Variants in DCLRE1C observed in about 807,000 individuals in gnomAD.
DCLRE1C encodes the protein protein artemis.
Under a neutral mutation model 61.4 loss-of-function variants are expected in DCLRE1C, and 47 were observed. The ratio of observed to expected loss-of-function variants is 0.77; its 90% CI spans 0.61 to 0.98. The LOEUF is 0.98. Among genes scored for constraint, DCLRE1C ranks in the 50% least tolerant of loss-of-function variants. The pLI, the probability that DCLRE1C is intolerant of heterozygous loss-of-function variation, is 0.00. For synonymous variants in DCLRE1C, 337 were observed against 287.6 expected, an observed-to-expected ratio of 1.17 and a Z score of -1.74; for missense variants, 858 against 816.0, an observed-to-expected ratio of 1.05 and a Z score of -0.63.
At chr10:14,937,826 A>G (rs1348477115) in intron 4 of DCLRE1C, among the ~76,000 whole-genome samples, 4 of 145,470 alleles carry the variant, frequency 2.7e-5, no homozygotes, top group Admixed American at 6.9e-5. Context: ...ACCAGGAGGT[A>G]GAGGTTGCAG....
downstream of DCLRE1C, among the ~76,000 whole-genome samples, chr10:14,900,609 C>CT (rs1286481320): frequency 2.0e-5 from 3 of 152,146 alleles, no homozygotes; most frequent in Admixed American, 6.5e-5. Context: ...CTCACTACAT[C>CT]TTTTTTCTTG....
chr10:14,946,549 T>C (rs1423875013), intron 2 of DCLRE1C, among the ~76,000 whole-genome samples: 1 of 152,158 alleles, frequency 6.6e-6, no homozygotes, highest in Non-Finnish European at 1.5e-5. Flanking sequence ...GCATGGCTTT[T>C]GAGGTTAGAT....
chr10:14,899,385 ATCTGAG>A (rs1833836530), intron 13 of DCLRE1C: 1 of 798,502 alleles, frequency 1.3e-6, no homozygotes, highest in Non-Finnish European at 2.0e-6. Flanking sequence ...ACCTCTTTGC[ATCTGAG>A]TCTTAGTTTG....
intron 9 of DCLRE1C, 79 bp from the exon 10 acceptor site, chr10:14,928,231 G>T: frequency 1.5e-6 from 2 of 1,332,988 alleles, no homozygotes; most frequent in Non-Finnish European, 2.1e-6. Context: ...AAAAACAAAA[G>T]TAGAAAAGTT....
At chr10:14,899,241 T>C (rs1281859074) in exon 14 of DCLRE1C, 2 of 701,954 alleles carry the variant, frequency 2.8e-6, no homozygotes, top group Non-Finnish European at 5.2e-6. Context: ...GATCGCTTGA[T>C]CCCAGGAGTT....
At chr10:14,913,005 G>A (rs985409251) in intron 13 of DCLRE1C, among the ~76,000 whole-genome samples, 2 of 148,144 alleles carry the variant, frequency 1.4e-5, no homozygotes, top group African/African-American at 5.0e-5. Context: ...ACAGGCGCCC[G>A]CCACCACACC....
intron 3 of DCLRE1C, among the ~76,000 whole-genome samples, chr10:14,941,362 A>G (rs1236513155): frequency 2.6e-5 from 4 of 152,112 alleles, no homozygotes; most frequent in African/African-American, 4.8e-5. Flanking sequence ...ACGGCTCACT[A>G]TAACCTCAAA....
At position 14,943,011 on chromosome 10, in the gene DCLRE1C, A is replaced by C. The variant is rs537809270; in HGVS notation, c.246+2094T>G. 1.0e-3 allele frequency among the ~76,000 whole-genome samples: 159 copies of C among 152,330 alleles called. 1 individual carries two copies. Among genetic ancestry groups the C allele is most frequent in the African/African-American group, 3.5e-3 (147 of 41,584 alleles). On this transcript the variant is annotated intron_variant, in intron 3 of 13. Coordinates refer to ENST00000378278, the MANE Select transcript of DCLRE1C (RefSeq NM_001033855.3). ...TGTGGTGGTTCAGGCCTGTAATCCC[A>C]GCCACTAGGGAGGCGGAGGCAGGGA...
chr10:14,908,602 G>A lies in DCLRE1C; in HGVS notation c.1885C>T (p.His629Tyr), dbSNP rs768407082. Reference sequence around the variant, plus strand: ...AGCAAACTTTTTTCCTCGGGTATATGTGTCTCACTGCTTAGAGTAGTTGGT... The same window carrying A: ...AGCAAACTTTTTTCCTCGGGTATATATGTCTCACTGCTTAGAGTAGTTGGT... ...GEPTTLSSET[H>Y]IPEEKSLLNL... The change falls in exon 14 of 14, where the codon CAT becomes TAT. Residue 629 changes from histidine (H) to tyrosine (Y), a missense_variant. Coordinates refer to ENST00000378278, the MANE Select transcript of DCLRE1C (RefSeq NM_001033855.3). The A allele has an allele frequency of 2.4e-5, 38 of 1,614,046 alleles. No individual in the cohort carries two copies. Among genetic ancestry groups the A allele is most frequent in the Non-Finnish European group, 3.0e-5 (35 of 1,180,026 alleles).
chr10:14,948,116 T>C (rs1841954846), intron 2 of DCLRE1C, among the ~76,000 whole-genome samples: 1 of 151,558 alleles, frequency 6.6e-6, no homozygotes, highest in Non-Finnish European at 1.5e-5. Flanking sequence ...GGCTCATGCC[T>C]ATAAGCCCAG....
At position 14,935,552 on chromosome 10, in the gene DCLRE1C, C is replaced by T. The variant is rs150951839; in HGVS notation, c.375G>A (p.Gln125=). 2.5e-5 allele frequency: 40 copies of T among 1,614,028 alleles called. No individual in the cohort carries two copies. The African/African-American group carries it at 4.9e-4, about 20-fold the overall frequency. The change falls in exon 6 of 14, where the codon CAG becomes CAA. Residue 125 remains glutamine, a synonymous_variant. Coordinates refer to ENST00000378278, the MANE Select transcript of DCLRE1C (RefSeq NM_001033855.3). Reference sequence around the variant, plus strand: ...TGTACAGGACAGTTCCATTATTGCCCTGAAATAAAAACCTGAAAAAGAAAT... The same window carrying T: ...TGTACAGGACAGTTCCATTATTGCCTTGAAATAAAAACCTGAAAAAGAAAT... The part of the protein sequence containing the change: ...HCPGSVMFLF[Q]GNNGTVLYTG...
chr10:14,936,738 A>G, intron 4 of DCLRE1C, 145 bp from the exon 5 acceptor site: 1 of 648,708 alleles, frequency 1.5e-6, no homozygotes, highest in Non-Finnish European at 2.8e-6. Context: ...CAAATCCTAG[A>G]AACAAGTGGA....
intron 13 of DCLRE1C, chr10:14,911,325 CTG>C (rs945922756): frequency 1.3e-5 from 2 of 152,210 alleles, no homozygotes; most frequent in African/African-American, 2.4e-5. Flanking sequence ...AAATGCTACT[CTG>C]TTCCTGCATA....
At chr10:14,910,486 T>C (rs969892049) in intron 13 of DCLRE1C, among the ~76,000 whole-genome samples, 1 of 152,094 alleles carries the variant, frequency 6.6e-6, no homozygotes, top group Non-Finnish European at 1.5e-5. Flanking sequence ...TTTTAGACAG[T>C]GTTTCCCCTT....
In DCLRE1C at chr10:14,936,586, T is replaced by C; in HGVS notation, c.314A>G (p.Glu105Gly). 2.5e-6 allele frequency: 4 copies of C among 1,612,416 alleles called. No homozygotes were observed. Among genetic ancestry groups the C allele is most frequent in the Non-Finnish European group, 3.4e-6 (4 of 1,178,688 alleles). The change falls in exon 5 of 14, where the codon GAG becomes GGG. Residue 105 changes from glutamate (E) to glycine (G), a missense_variant. Glu to Gly is a moderately conservative substitution (Grantham distance 98, BLOSUM62 -2). Transcript: ENST00000378278. ...AGCTGGTAAGAGAGTCACAACAATC[T>C]CTTCCTTCTAAAAAGAAAATAAAGA... ...LVDEASGEKE[E>G]IVVTLLPAGH...
At chr10:14,926,980 A>G (rs1027668858) in intron 10 of DCLRE1C, 83 bp from the exon 11 acceptor site, 4 of 1,189,878 alleles carry the variant, frequency 3.4e-6, no homozygotes, top group South Asian at 1.3e-5. Context: ...CATTTAGGCT[A>G]TTCTAGCATG....
At chr10:14,901,029 T>C (rs140250571), downstream of DCLRE1C, 853 of 1,451,032 alleles carry the variant, frequency 5.9e-4, 3 homozygotes, top group African/African-American at 0.011. Context: ...TAATTTCCAG[T>C]GGAACTTAAA....
rs1834432117 is a variant in DCLRE1C at position 14,906,805 on chromosome 10, A to G, written c.*1603T>C. ...AACTTGTTAAAAATCCTCATACATA[A>G]CACAAAAGCCTAACACATTGATGGA... On this transcript the variant is annotated 3_prime_UTR_variant, in exon 14 of 14. Transcript: ENST00000378278. Among the ~76,000 whole-genome samples the G allele has an allele frequency of 3.3e-5, 5 of 152,230 alleles. No homozygotes were observed. Among genetic ancestry groups the G allele is most frequent in the Non-Finnish European group, 7.3e-5 (5 of 68,028 alleles).
intron 8 of DCLRE1C, 83 bp downstream of exon 8, chr10:14,934,297 C>T (rs1259473888): frequency 1.2e-5 from 19 of 1,566,748 alleles, no homozygotes; most frequent in Non-Finnish European, 1.6e-5. Flanking sequence ...CACTACACTC[C>T]AGCCTGGGCA....
Sources: gnomAD v4.1 joint callset for allele counts (sites outside exome capture counted in the v4.1 genomes callset) on GRCh38, gnomAD v4.1.1 for gene constraint, MANE v1.5 for transcripts, NCBI Gene and HGNC (gene_info 2026-07-23, HGNC 2026-07-21) for gene names.